The following MARK2 variants were observed in gnomAD, a reference collection of about 807,000 sequenced individuals.
MARK2 encodes microtubule affinity regulating kinase 2, also known as serine/threonine-protein kinase MARK2.
Under a neutral mutation model 89.8 loss-of-function variants are expected in MARK2, and 16 were observed. The observed-to-expected ratio is 0.18, with a 90% CI of 0.12 to 0.27. The LOEUF (loss-of-function observed/expected upper bound fraction) is 0.27, where lower values mean the gene tolerates loss of function less well. Among genes scored for constraint, MARK2 ranks in the 10% least tolerant of loss-of-function variants. The pLI, the probability that MARK2 is intolerant of heterozygous loss-of-function variation, is 1.00. For synonymous variants in MARK2, 382 were observed against 399.5 expected, an observed-to-expected ratio of 0.96 and a Z score of 0.52; for missense variants, 621 against 1,049.9, an observed-to-expected ratio of 0.59 and a Z score of 5.65.
chr11:63,841,203 C>G (rs1385961293), intron 1 of MARK2, among the ~76,000 whole-genome samples: 2 of 152,196 alleles, frequency 1.3e-5, no homozygotes, highest in East Asian at 3.8e-4. Context: ...GAACATTCTT[C>G]TTTGAAAAAT....
At chr11:63,850,036 A>G (rs1342364193) in intron 1 of MARK2, 1 of 152,184 alleles carries the variant, frequency 6.6e-6, no homozygotes, top group Admixed American at 6.5e-5. Context: ...CTAGGTCAGT[A>G]TAAGGGGTGA....
rs528133464 is a variant in MARK2, at chr11:63,890,253, T to C, written c.55-4906T>C. ...GCCTCCTTACCCTGGCTCACATCCCTGCTGTGGGAAACATCTTACAGCATA... is the reference window on the plus strand; with the variant it reads ...GCCTCCTTACCCTGGCTCACATCCCCGCTGTGGGAAACATCTTACAGCATA... On this transcript the variant is annotated intron_variant, in intron 1 of 18. Transcript: ENST00000402010. 3.3e-5 allele frequency: 45 copies of C among 1,344,274 alleles called. No homozygotes were observed. In the African/African-American group the frequency reaches 5.2e-4, roughly 15 times the overall value. The allele number at this position is 1,344,274 out of a possible 1,614,324, so 83.3% of individuals were successfully genotyped here.
At chr11:63,884,062 T>C (rs914850285) in intron 1 of MARK2, among the ~76,000 whole-genome samples, 4 of 152,226 alleles carry the variant, frequency 2.6e-5, no homozygotes, top group African/African-American at 7.2e-5. Context: ...ATAGTTTACC[T>C]CTTTTAAGTT....
intron 1 of MARK2, among the ~76,000 whole-genome samples, chr11:63,845,167 T>G (rs535810237): frequency 6.6e-6 from 1 of 152,296 alleles, no homozygotes; most frequent in South Asian, 2.1e-4. Context: ...GAGGCTTTCC[T>G]ACAGTAACCA....
intron 1 of MARK2, among the ~76,000 whole-genome samples, chr11:63,847,568 A>G (rs760231533): frequency 2.6e-5 from 4 of 152,160 alleles, no homozygotes; most frequent in Non-Finnish European, 5.9e-5. Flanking sequence ...TGGCAATACA[A>G]AGGTCTGCCT....
chr11:63,904,089 C>G lies in MARK2; in HGVS notation c.1618C>G (p.Pro540Ala). Residue 540 changes from proline (P) to alanine (A), a missense_variant, in exon 15 of 19, where the codon CCC becomes GCC. Pro to Ala is a conservative substitution (Grantham distance 27). Coordinates refer to ENST00000402010, the MANE Select transcript of MARK2 (RefSeq NM_001039469.3). The surrounding 1 kb of genome is among the most constrained non-coding windows in gnomAD (Gnocchi z 6.3). ...GAAATCCATGTCGGCCTCCGTGCAC[C>G]CCAACAAGGCCTCTGGGCTGCCCCC... ...HQKSMSASVH[P>A]NKASGLPPTE... 1 of 1,604,472 alleles carries G rather than the reference C, an allele frequency of 6.2e-7. No homozygotes were observed. The highest frequency in any genetic ancestry group is 1.3e-5 in the African/African-American group (1 of 75,008).
At chr11:63,872,460 A>G (rs1176140665) in intron 1 of MARK2, among the ~76,000 whole-genome samples, 1 of 152,188 alleles carries the variant, frequency 6.6e-6, no homozygotes. Context: ...CTACTGGGAA[A>G]GGTTTACTGG....
At chr11:63,840,221 G>C (rs962222328) in intron 1 of MARK2, among the ~76,000 whole-genome samples, 5 of 152,084 alleles carry the variant, frequency 3.3e-5, no homozygotes, top group African/African-American at 1.2e-4. Context: ...TGCTCCAGGA[G>C]CTCCCTGGAT....
chr11:63,883,080 G>A (rs931017102), intron 1 of MARK2, among the ~76,000 whole-genome samples: 4 of 152,198 alleles, frequency 2.6e-5, no homozygotes, highest in Non-Finnish European at 2.9e-5. Flanking sequence ...GGGAGGAACC[G>A]CATAAAGTGC....
rs150009638 is a variant in MARK2, at chr11:63,893,943, C to A, written c.55-1216C>A. Among the ~76,000 whole-genome samples the A allele has an allele frequency of 1.7e-3, 254 of 152,284 alleles. 5 individuals are homozygous for A. The highest frequency in any genetic ancestry group is 0.015 in the East Asian group (77 of 5,190). On this transcript the variant is annotated intron_variant, in intron 1 of 18. Transcript: ENST00000402010. ...TATGTATATGCAAATATTCCAAAAT[C>A]CAAAACAATTTAAAATCTGCCACGT...
chr11:63,904,047 C>A lies in MARK2; in HGVS notation c.1576C>A (p.Arg526=). 1 of 1,607,236 alleles carries A rather than the reference C, an allele frequency of 6.2e-7. No individual in the cohort carries two copies. Among genetic ancestry groups the A allele is most frequent in the African/African-American group, 1.3e-5 (1 of 75,020 alleles). Residue 526 remains arginine (R), a synonymous_variant, in exon 15 of 19, where the codon CGG becomes AGG. Transcript: ENST00000402010. This position sits in a 1 kb window ranked among gnomAD's most constrained non-coding sequence, Gnocchi z 6.3. The stretch of plus-strand genomic sequence containing the variant: ...TGCTTCTGCCGCAGTCTCTGCGGCC[C>A]GGCCCCGCCAGCACCAGAAATCCAT... ...ASASAAVSAA[R]PRQHQKSMSA... is the part of the protein sequence containing the mutation.
At position 63,900,290 on chromosome 11, in the gene MARK2, C is replaced by G. The variant is rs1209821167; in HGVS notation, c.768+180C>G. Among the ~76,000 whole-genome samples, 3 of 152,176 alleles carry G rather than the reference C, an allele frequency of 2.0e-5. No individual in the cohort carries two copies. The highest frequency in any genetic ancestry group is 1.3e-4 in the Admixed American group (2 of 15,278). ...ACCTGGGAATGAATAACCTCAGTTC[C>G]TTTCTCGAAAGATGGGATAAACTGT... On this transcript the variant is annotated intron_variant, in intron 8 of 18. Coordinates refer to ENST00000402010, the MANE Select transcript of MARK2 (RefSeq NM_001039469.3). The surrounding 1 kb of genome is among the most constrained non-coding windows in gnomAD (Gnocchi z 4.7).
chr11:63,845,050 T>C (rs568151023), intron 1 of MARK2, among the ~76,000 whole-genome samples: 138 of 152,100 alleles, frequency 9.1e-4, no homozygotes, highest in African/African-American at 3.2e-3. Context: ...CTAAATGGAC[T>C]CCCCCCAGCA....
At chr11:63,876,915 C>G (rs1404154212) in intron 1 of MARK2, among the ~76,000 whole-genome samples, 4 of 152,072 alleles carry the variant, frequency 2.6e-5, no homozygotes, top group African/African-American at 9.7e-5. Flanking sequence ...AGTGCACGAG[C>G]TAATCTCACT....
At chr11:63,861,790 A>G (rs1018563045) in intron 1 of MARK2, among the ~76,000 whole-genome samples, 9 of 139,804 alleles carry the variant, frequency 6.4e-5, no homozygotes, top group Admixed American at 2.4e-4. Flanking sequence ...TGTCCAGGCT[A>G]GAGTGCAACG....
chr11:63,884,862 A>G (rs1320310937), intron 1 of MARK2, among the ~76,000 whole-genome samples: 1 of 152,196 alleles, frequency 6.6e-6, no homozygotes, highest in Non-Finnish European at 1.5e-5. Flanking sequence ...GGATACAGTG[A>G]GGGAGGAAGG....
rs750155967 is a variant in MARK2 at position 63,910,652 on chromosome 11, A to ATTTTTTTTTTTTTTTT, written c.*1429_*1430insTTTTTTTTTTTTTTTT. The ATTTTTTTTTTTTTTTT allele has an allele frequency of 1.2e-4, 16 of 137,398 alleles. No homozygotes were observed. The highest frequency in any genetic ancestry group is 2.1e-4 in the East Asian group (1 of 4,666). 8.5% of individuals were successfully genotyped at this position (137,398 alleles called of 1,614,324 possible). A position where few individuals can be genotyped will look rare whatever the true frequency, so the allele number is the denominator to read the frequency against. The stretch of plus-strand genomic sequence containing the variant: ...GTTTTATTTTTTATTATTTTATTTT[A>ATTTTTTTTTTTTTTTT]TTTTTTTTTTTTTTGATTTATGATG... On this transcript the variant is annotated 3_prime_UTR_variant, in exon 19 of 19. Coordinates refer to ENST00000402010, the MANE Select transcript of MARK2 (RefSeq NM_001039469.3).
intron 1 of MARK2, among the ~76,000 whole-genome samples, chr11:63,884,098 C>T (rs1235660943): frequency 6.6e-6 from 1 of 152,212 alleles, no homozygotes; most frequent in Non-Finnish European, 1.5e-5. Context: ...CCAGATCGCA[C>T]TGAGCTTTGC....
chr11:63,899,474 A>C (rs775511976), intron 7 of MARK2, among the ~76,000 whole-genome samples: 1 of 152,112 alleles, frequency 6.6e-6, no homozygotes, highest in Non-Finnish European at 1.5e-5. Context: ...TGAAAGTTCC[A>C]CAGCTGTATC....
Sources: allele counts gnomAD v4.1 joint callset (sites outside exome capture counted in the v4.1 genomes callset), GRCh38; gene constraint gnomAD v4.1.1; non-coding constraint Gnocchi (gnomAD v3.1); transcripts MANE v1.5; gene names NCBI Gene and HGNC (gene_info 2026-07-23, HGNC 2026-07-21).